The following CCDC126 variants were observed in gnomAD, a reference collection of about 807,000 sequenced individuals.
The protein encoded by CCDC126 is coiled-coil domain-containing protein 126.
Under a neutral mutation model 11.7 loss-of-function variants are expected in CCDC126, and 5 were observed. The ratio of observed to expected loss-of-function variants is 0.43; its 90% confidence interval spans 0.22 to 0.90. The LOEUF (loss-of-function observed/expected upper bound fraction) is 0.90, where lower values mean the gene tolerates loss of function less well. CCDC126 is among the 40% of genes least tolerant of loss of function. The probability of loss-of-function intolerance (pLI) is 0.27; values close to 1 mark genes in which losing one functional copy is unlikely to be tolerated. For synonymous variants in CCDC126, 60 were observed against 61.9 expected (o/e 0.97, Z 0.14); for missense variants, 150 against 163.1 (o/e 0.92, Z 0.44).
chr7:23,634,424 C>T (rs1297830863), intron 3 of CCDC126, among the ~76,000 whole-genome samples: 1 of 152,200 alleles, frequency 6.6e-6, no homozygotes, highest in African/African-American at 2.4e-5. Context: ...TATTGCACTC[C>T]AGCCTGGGCG....
chr7:23,606,418 G>A (rs1235003275), intron 2 of CCDC126, among the ~76,000 whole-genome samples: 3 of 151,754 alleles, frequency 2.0e-5, no homozygotes, highest in African/African-American at 7.3e-5. Flanking sequence ...TTTTTTTATT[G>A]GCAAAATGTC....
At chr7:23,608,386 C>T (rs1387918183) in intron 2 of CCDC126, among the ~76,000 whole-genome samples, 1 of 152,248 alleles carries the variant, frequency 6.6e-6, no homozygotes, top group African/African-American at 2.4e-5. Flanking sequence ...CTTGTTCAAC[C>T]TGCAACCCAT....
intron 3 of CCDC126, among the ~76,000 whole-genome samples, chr7:23,636,263 A>C (rs1184752281): frequency 6.6e-6 from 1 of 152,062 alleles, no homozygotes; most frequent in Non-Finnish European, 1.5e-5. Context: ...CCGAGATTGC[A>C]GCCTCTGCCC....
chr7:23,622,127 A>T (rs1782915355), intron 3 of CCDC126, among the ~76,000 whole-genome samples: 2 of 152,002 alleles, frequency 1.3e-5, no homozygotes, highest in African/African-American at 4.8e-5. Flanking sequence ...CCCCTTTTTC[A>T]GTTGATTGGA....
intron 2 of CCDC126, among the ~76,000 whole-genome samples, chr7:23,598,711 C>G (rs1404385062): frequency 6.6e-6 from 1 of 152,228 alleles, no homozygotes; most frequent in South Asian, 2.1e-4. Flanking sequence ...ATTTCTCACT[C>G]TAAAATGTGT....
At chr7:23,635,616 C>G (rs1345241179) in intron 3 of CCDC126, among the ~76,000 whole-genome samples, 2 of 152,076 alleles carry the variant, frequency 1.3e-5, no homozygotes, top group Non-Finnish European at 2.9e-5. Flanking sequence ...CTCTTAGTCT[C>G]TTTTTTTGTA....
intron 3 of CCDC126, among the ~76,000 whole-genome samples, chr7:23,617,466 C>T (rs963934057): frequency 1.3e-5 from 2 of 149,516 alleles, no homozygotes; most frequent in Non-Finnish European, 3.0e-5. Context: ...CCAAATATAT[C>T]TGGTGATCCT....
chr7:23,634,466 AAAAC>A (rs138777876), intron 3 of CCDC126, among the ~76,000 whole-genome samples: 2,858 of 152,332 alleles, frequency 0.019, 102 homozygotes, highest in African/African-American at 0.064. Flanking sequence ...CATGTCTCAA[AAAAC>A]AAACAAACAA....
At chr7:23,605,012 A>AG (rs1562828336) in intron 2 of CCDC126, among the ~76,000 whole-genome samples, 1 of 151,964 alleles carries the variant, frequency 6.6e-6, no homozygotes, top group East Asian at 1.9e-4. Flanking sequence ...AAAAAAAAAA[A>AG]AAGAAAATGA....
intron 3 of CCDC126, among the ~76,000 whole-genome samples, chr7:23,636,704 G>GC (rs1783223657): frequency 6.8e-6 from 1 of 148,066 alleles, no homozygotes; most frequent in Non-Finnish European, 1.5e-5. Context: ...CCTCCGCCTG[G>GC]CAGCCACCCC....
intron 2 of CCDC126, chr7:23,603,978 G>A (rs1194273476): frequency 6.6e-6 from 1 of 152,214 alleles, no homozygotes; most frequent in African/African-American, 2.4e-5. Flanking sequence ...GTAACATGCT[G>A]TGGGAGTTAG....
At chr7:23,625,781 G>A (rs1783005309) in intron 3 of CCDC126, among the ~76,000 whole-genome samples, 1 of 147,260 alleles carries the variant, frequency 6.8e-6, no homozygotes, top group Non-Finnish European at 1.5e-5. Context: ...TCAGCCTCCC[G>A]AGTAGCTGGG....
intron 2 of CCDC126, among the ~76,000 whole-genome samples, chr7:23,610,506 C>G (rs1053354235): frequency 6.6e-6 from 1 of 152,162 alleles, no homozygotes; most frequent in African/African-American, 2.4e-5. Flanking sequence ...AAGCCACTGC[C>G]CCTGGTCTCA....
chr7:23,629,047 T>C (rs1434072980), intron 3 of CCDC126, among the ~76,000 whole-genome samples: 1 of 152,176 alleles, frequency 6.6e-6, no homozygotes, highest in Non-Finnish European at 1.5e-5. Context: ...ATCCAGAGTC[T>C]CATAATATGA....
At chr7:23,627,842 C>T (rs1783041409) in intron 3 of CCDC126, among the ~76,000 whole-genome samples, 1 of 152,014 alleles carries the variant, frequency 6.6e-6, no homozygotes, top group Admixed American at 6.6e-5. Context: ...AGTCCTGTTT[C>T]GGACTCCCAA....
At chr7:23,622,771 A>G in intron 3 of CCDC126, 2 of 502,408 alleles carry the variant, frequency 4.0e-6, no homozygotes, top group South Asian at 2.9e-5. Context: ...TACATTTCTA[A>G]CCATAGATAC....
intron 3 of CCDC126, among the ~76,000 whole-genome samples, chr7:23,640,999 T>A (rs981817854): frequency 9.8e-4 from 143 of 146,564 alleles, no homozygotes; most frequent in African/African-American, 2.2e-3. Flanking sequence ...TTGGTTTTTT[T>A]TTTTTTTTTT....
intron 3 of CCDC126, among the ~76,000 whole-genome samples, chr7:23,631,483 T>C (rs1783113086): frequency 6.6e-6 from 1 of 152,120 alleles, no homozygotes; most frequent in Non-Finnish European, 1.5e-5. Context: ...TTAAGGAAAT[T>C]TGGCCAAGTG....
chr7:23,617,824 T>C (rs529115691), intron 3 of CCDC126, among the ~76,000 whole-genome samples: 1 of 152,322 alleles, frequency 6.6e-6, no homozygotes, highest in East Asian at 1.9e-4. Context: ...GCGTCACTTT[T>C]GATATAAATA....
Sources: allele counts gnomAD v4.1 joint callset (sites outside exome capture counted in the v4.1 genomes callset), GRCh38; gene constraint gnomAD v4.1.1; transcripts MANE v1.5; gene names NCBI Gene and HGNC (gene_info 2026-07-23, HGNC 2026-07-21).